Variants in CNNM1 observed in about 807,000 individuals in gnomAD.
CNNM1 encodes the protein cyclin and CBS domain divalent metal cation transport mediator 1.
A neutral mutation model predicts 78.8 loss-of-function variants in CNNM1; 44 were observed. The ratio of observed to expected loss-of-function variants is 0.56; its 90% CI spans 0.44 to 0.72. CNNM1 has a LOEUF of 0.72. Among genes scored for constraint, CNNM1 ranks in the 30% least tolerant of loss-of-function variants. CNNM1 has a pLI of 0.00. For synonymous variants in CNNM1, 584 were observed against 581.5 expected (o/e 1.00, Z -0.06); for missense variants, 1,101 against 1,292.2 (o/e 0.85, Z 2.27).
At chr10:99,356,565 A>AC (rs1453287579) in intron 1 of CNNM1, among the ~76,000 whole-genome samples, 1 of 99,950 alleles carries the variant, frequency 1.0e-5, no homozygotes, top group African/African-American at 4.1e-5. Context: ...AGACAGACAG[A>AC]AAGAAAGAAA....
intron 1 of CNNM1, among the ~76,000 whole-genome samples, chr10:99,332,596 A>T (rs1056596224): frequency 1.5e-4 from 23 of 152,138 alleles, no homozygotes; most frequent in African/African-American, 5.1e-4. Context: ...CTACTTTAAC[A>T]TCATAAATAA....
chr10:99,346,837 T>C (rs1042723294), intron 1 of CNNM1, among the ~76,000 whole-genome samples: 7 of 152,050 alleles, frequency 4.6e-5, no homozygotes, highest in African/African-American at 1.4e-4. Context: ...TTGGAACTCC[T>C]GGGCTCAAGC....
At chr10:99,359,021 A>T (rs1338168192) in intron 2 of CNNM1, among the ~76,000 whole-genome samples, 6 of 150,330 alleles carry the variant, frequency 4.0e-5, no homozygotes, top group Non-Finnish European at 8.9e-5. Context: ...AAAAAAAAAA[A>T]AAAAAAAAAA....
chr10:99,363,867 C>T (rs2031519858), intron 4 of CNNM1, among the ~76,000 whole-genome samples: 1 of 151,212 alleles, frequency 6.6e-6, no homozygotes, highest in East Asian at 2.0e-4. Context: ...GCCTCAGTCT[C>T]CTGAGTAGCT....
chr10:99,391,500 C>T lies in CNNM1; in HGVS notation c.2840C>T (p.Thr947Ile). 5 of 1,613,830 alleles carry T rather than the reference C, an allele frequency of 3.1e-6. No homozygotes were observed. The highest frequency in any genetic ancestry group is 4.2e-6 in the Non-Finnish European group (5 of 1,179,740). Residue 947 changes from threonine to isoleucine, a missense_variant, in exon 11 of 11, where the codon ACA becomes ATA. Physicochemically the swap from Thr to Ile is moderately conservative, Grantham distance 89. Around this residue, in one of 3 missense-constraint regions of CNNM1, gnomAD observed 348 missense variants for 384.5 expected, o/e 0.90. Coordinates refer to ENST00000356713, the MANE Select transcript of CNNM1 (RefSeq NM_020348.3). The part of the protein sequence containing the change: ...ERTSEDNSNL[T>I]PLIT ...ACCTCTGAGGACAACTCCAATTTAA[C>T]ACCTCTGATCACATGACAGGGCAAA...
At chr10:99,367,632 C>G (rs2031666402) in intron 6 of CNNM1, among the ~76,000 whole-genome samples, 1 of 152,066 alleles carries the variant, frequency 6.6e-6, no homozygotes, top group South Asian at 2.1e-4. Context: ...ATATTAGAGG[C>G]CCATTCTAAT....
rs1240208907 is a variant in CNNM1, at chr10:99,362,188, C to A, written c.1859-39C>A. 4 of 1,560,386 alleles carry A rather than the reference C, an allele frequency of 2.6e-6. 1 individual carries two copies. The South Asian group carries it at 4.9e-5, about 19-fold the overall frequency. ...CACTGCTGGAATGGGTGGGACACAG[C>A]TGATGCTGATTCCTCCCTTCCCACT... On this transcript the variant is annotated intron_variant, in intron 3 of 10. Transcript: ENST00000356713.
At chr10:99,346,377 T>A (rs1177950981) in intron 1 of CNNM1, among the ~76,000 whole-genome samples, 1 of 152,218 alleles carries the variant, frequency 6.6e-6, no homozygotes, top group Admixed American at 6.5e-5. Context: ...CAGTCTCCTT[T>A]ACTGGTTCTG....
chr10:99,374,046 A>G (rs1223556236), intron 6 of CNNM1, among the ~76,000 whole-genome samples: 2 of 152,212 alleles, frequency 1.3e-5, no homozygotes. Context: ...ACGTACAGGT[A>G]TCTTTTTTAC....
In CNNM1 at chr10:99,390,396, T is replaced by A; in HGVS notation, c.2765T>A (p.Leu922Gln). The change falls in exon 10 of 11, where the codon CTG becomes CAG. Residue 922 changes from leucine (L) to glutamine (Q), a missense_variant. Transcript: ENST00000356713. ...DFEENVGKKLLRTLSGQKRKR... is the reference protein window; with the variant it reads ...DFEENVGKKLQRTLSGQKRKR... ...GAGGAAAACGTGGGCAAGAAGCTGC[T>A]GAGAACCTTGAGTGAGTAGCTAGTT... The A allele has an allele frequency of 6.2e-7, 1 of 1,611,178 alleles. No individual in the cohort carries two copies. The highest frequency in any genetic ancestry group is 8.5e-7 in the Non-Finnish European group (1 of 1,178,510).
intron 1 of CNNM1, among the ~76,000 whole-genome samples, chr10:99,338,286 C>T (rs2134016574): frequency 6.8e-6 from 1 of 146,128 alleles, no homozygotes; most frequent in South Asian, 2.1e-4. Context: ...ATAACTATGA[C>T]TAGGTGGCAT....
intron 1 of CNNM1, among the ~76,000 whole-genome samples, chr10:99,357,150 TA>T (rs2031250237): frequency 6.6e-6 from 1 of 152,154 alleles, no homozygotes; most frequent in Non-Finnish European, 1.5e-5. Context: ...GAAGGGGGCT[TA>T]GGGGAGGAGA....
chr10:99,356,152 G>T (rs1421308406), intron 1 of CNNM1, among the ~76,000 whole-genome samples: 5 of 152,178 alleles, frequency 3.3e-5, no homozygotes, highest in Non-Finnish European at 5.9e-5. Flanking sequence ...ACAGCTGGGA[G>T]CTGCTTGAAA....
chr10:99,353,476 C>G (rs149982295), intron 1 of CNNM1, among the ~76,000 whole-genome samples: 115 of 152,240 alleles, frequency 7.6e-4, no homozygotes, highest in African/African-American at 2.5e-3. Context: ...GAGATGTGTA[C>G]AAAGTGCTGT....
At chr10:99,366,207 A>G (rs2031613305) in intron 6 of CNNM1, among the ~76,000 whole-genome samples, 1 of 152,196 alleles carries the variant, frequency 6.6e-6, no homozygotes, top group South Asian at 2.1e-4. Flanking sequence ...ACTTAAGACA[A>G]TGAATCTCAA....
intron 1 of CNNM1, among the ~76,000 whole-genome samples, chr10:99,357,021 A>G (rs1274727585): frequency 1.3e-5 from 2 of 152,154 alleles, no homozygotes; most frequent in African/African-American, 4.8e-5. Flanking sequence ...GAGGCATACC[A>G]CAAAGGCCAT....
intron 6 of CNNM1, among the ~76,000 whole-genome samples, chr10:99,365,496 TCCA>T (rs1266776666): frequency 6.6e-6 from 1 of 152,216 alleles, no homozygotes; most frequent in Non-Finnish European, 1.5e-5. Flanking sequence ...TTCTTGGTTC[TCCA>T]CCTCTCAGCT....
rs1467439492 is a variant in CNNM1 at position 99,390,324 on chromosome 10, G to A, written c.2693G>A (p.Cys898Tyr). ...TTCTCAGCATCAGATAGTGAATGTTGTAACATCAACCTGGATACAGAGACC... is the reference window on the plus strand; with the variant it reads ...TTCTCAGCATCAGATAGTGAATGTTATAACATCAACCTGGATACAGAGACC... ...PTRAASDSECCNINLDTETSP... is the reference protein window; with the variant it reads ...PTRAASDSECYNINLDTETSP... The change falls in exon 10 of 11, where the codon TGT (cysteine) becomes TAT (tyrosine). Residue 898 changes from cysteine (C) to tyrosine (Y), a missense_variant. Physicochemically the swap from Cys to Tyr is radical, Grantham distance 194. Around this residue, in one of 3 missense-constraint regions of CNNM1, gnomAD observed 348 missense variants for 384.5 expected, o/e 0.90. Coordinates refer to ENST00000356713, the MANE Select transcript of CNNM1 (RefSeq NM_020348.3). The A allele has an allele frequency of 1.2e-6, 2 of 1,612,568 alleles. No individual in the cohort carries two copies. The highest frequency in any genetic ancestry group is 1.1e-5 in the South Asian group (1 of 90,544).
chr10:99,368,743 C>A, intron 6 of CNNM1: 1 of 1,158,422 alleles, frequency 8.6e-7, no homozygotes, highest in Non-Finnish European at 1.2e-6. Flanking sequence ...AAGCCTTTGG[C>A]CTCTGTCACT....
Sources: allele counts gnomAD v4.1 joint callset (sites outside exome capture counted in the v4.1 genomes callset), GRCh38; gene constraint gnomAD v4.1.1; regional missense constraint gnomAD v4.1.1; transcripts MANE v1.5; gene names NCBI Gene and HGNC (gene_info 2026-07-23, HGNC 2026-07-21).